The following TTC39C variants were observed in gnomAD, a reference collection of about 807,000 sequenced individuals.
TTC39C encodes tetratricopeptide repeat domain 39C.
A neutral mutation model predicts 76.3 loss-of-function variants in TTC39C; 33 were observed. The ratio of observed to expected loss-of-function variants is 0.43; its 90% CI spans 0.33 to 0.58. The LOEUF (loss-of-function observed/expected upper bound fraction) is 0.58. Ranked by LOEUF, TTC39C falls within the 20% of genes least tolerant of loss-of-function variation. The pLI is 0.04. For synonymous variants in TTC39C, 254 were observed against 260.6 expected (o/e 0.97, Z 0.24); for missense variants, 595 against 701.4 (o/e 0.85, Z 1.71).
At chr18:24,019,736 C>T (rs2083496294) in intron 1 of TTC39C, 2 of 747,700 alleles carry the variant, frequency 2.7e-6, no homozygotes, top group Admixed American at 3.7e-5. Flanking sequence ...TTTTGAGACA[C>T]AGCCATGCTC....
intron 3 of TTC39C, 65 bp from the exon 4 acceptor site, chr18:24,069,092 C>T (rs1005007677): frequency 2.5e-5 from 32 of 1,290,848 alleles, no homozygotes; most frequent in Non-Finnish European, 3.4e-5. Flanking sequence ...TAACCTGATA[C>T]TGTTTGGGGG....
chr18:24,045,599 G>A (rs1025093792), intron 1 of TTC39C, among the ~76,000 whole-genome samples: 1 of 151,900 alleles, frequency 6.6e-6, no homozygotes, highest in Non-Finnish European at 1.5e-5. Flanking sequence ...CGTGGGAAGG[G>A]CCTCATTCCA....
At chr18:24,056,679 C>A (rs1332599465) in intron 1 of TTC39C, among the ~76,000 whole-genome samples, 1 of 152,154 alleles carries the variant, frequency 6.6e-6, no homozygotes. Context: ...TGCTTCCTTT[C>A]ATTCACAACA....
chr18:24,053,351 C>T (rs1472978809), intron 1 of TTC39C, among the ~76,000 whole-genome samples: 1 of 152,164 alleles, frequency 6.6e-6, no homozygotes, highest in African/African-American at 2.4e-5. Context: ...ATGAATGCCA[C>T]GTGAACAAGG....
chr18:24,128,786 C>A, intron 10 of TTC39C, 100 bp from the exon 11 acceptor site: 1 of 917,558 alleles, frequency 1.1e-6, no homozygotes, highest in Non-Finnish European at 1.6e-6. Context: ...TATCAGGAGG[C>A]AGAAACATGA....
intron 10 of TTC39C, 175 bp downstream of exon 10, chr18:24,125,725 A>C (rs376036468): frequency 1.6e-5 from 12 of 749,332 alleles, no homozygotes; most frequent in East Asian, 2.7e-5. Flanking sequence ...CACTTAGGTG[A>C]TGGGAGGAGG....
chr18:24,068,498 A>T (rs555611806), intron 3 of TTC39C, among the ~76,000 whole-genome samples: 1 of 152,360 alleles, frequency 6.6e-6, no homozygotes, highest in East Asian at 1.9e-4. Flanking sequence ...TTGTACTAAG[A>T]ATGCAGAGTG....
At chr18:24,118,745 C>T (rs1335997161) in intron 8 of TTC39C, among the ~76,000 whole-genome samples, 1 of 151,772 alleles carries the variant, frequency 6.6e-6, no homozygotes, top group Non-Finnish European at 1.5e-5. Context: ...CTCAACCTCC[C>T]AGGCTCAAGC....
intron 1 of TTC39C, among the ~76,000 whole-genome samples, chr18:24,017,498 G>T (rs1165016483): frequency 6.6e-6 from 1 of 152,212 alleles, no homozygotes; most frequent in Admixed American, 6.5e-5. Context: ...TGTACGTGGT[G>T]CCTTCCCCGC....
chr18:24,102,336 C>T (rs16940484), intron 6 of TTC39C, among the ~76,000 whole-genome samples: 35,890 of 152,068 alleles, frequency 0.24, 5,449 homozygotes, highest in African/African-American at 0.41. Context: ...TATTCATTCA[C>T]GTGGAGATGC....
upstream of TTC39C, among the ~76,000 whole-genome samples, chr18:24,012,383 A>T (rs2083400254): frequency 6.6e-6 from 1 of 152,116 alleles, no homozygotes; most frequent in Non-Finnish European, 1.5e-5. Flanking sequence ...TTGTTCAACA[A>T]TTAAATTTCC....
At chr18:24,099,756 C>T (rs1481816690) in intron 6 of TTC39C, among the ~76,000 whole-genome samples, 1 of 151,986 alleles carries the variant, frequency 6.6e-6, no homozygotes, top group Non-Finnish European at 1.5e-5. Flanking sequence ...TAACTTACTG[C>T]TGTGAAATTC....
chr18:24,109,803 G>A (rs1390817807), intron 6 of TTC39C, among the ~76,000 whole-genome samples: 3 of 152,058 alleles, frequency 2.0e-5, no homozygotes, highest in African/African-American at 4.8e-5. Flanking sequence ...TCGGGAGCTC[G>A]AGACCAGCCT....
chr18:24,010,018 AC>A (rs1475662629), upstream of TTC39C, among the ~76,000 whole-genome samples: 4 of 152,350 alleles, frequency 2.6e-5, no homozygotes, highest in African/African-American at 9.6e-5. Flanking sequence ...TTAGTGATCC[AC>A]CTATGAGCAG....
intron 1 of TTC39C, among the ~76,000 whole-genome samples, chr18:24,028,616 T>C (rs2083625836): frequency 6.6e-6 from 1 of 152,396 alleles, no homozygotes; most frequent in Non-Finnish European, 1.5e-5. Context: ...AGTTGTTTAC[T>C]GAGAACTGGT....
chr18:24,118,580 A>G (rs950104789), intron 8 of TTC39C, among the ~76,000 whole-genome samples: 2 of 151,294 alleles, frequency 1.3e-5, no homozygotes, highest in Admixed American at 6.6e-5. Flanking sequence ...CTATCCCTTT[A>G]CTTAATATGC....
At chr18:24,125,621 C>T in intron 10 of TTC39C, 71 bp downstream of exon 10, 3 of 1,575,202 alleles carry the variant, frequency 1.9e-6, no homozygotes, top group Non-Finnish European at 2.6e-6. Flanking sequence ...CGGCATTCTT[C>T]AGTTTCCCGT....
chr18:24,026,587 T>A (rs1160136492), intron 1 of TTC39C, among the ~76,000 whole-genome samples: 2 of 152,166 alleles, frequency 1.3e-5, no homozygotes, highest in East Asian at 3.8e-4. Flanking sequence ...ATCAGTTGCA[T>A]CCCATAATAC....
chr18:24,010,064 G>A (rs935780485), upstream of TTC39C, among the ~76,000 whole-genome samples: 1 of 152,220 alleles, frequency 6.6e-6, no homozygotes, highest in Admixed American at 6.5e-5. Flanking sequence ...TTTGTTAAAA[G>A]AAAGACTTTA....
Sources: allele counts gnomAD v4.1 joint callset (sites outside exome capture counted in the v4.1 genomes callset), GRCh38; gene constraint gnomAD v4.1.1; transcripts MANE v1.5; gene names NCBI Gene and HGNC (gene_info 2026-07-23, HGNC 2026-07-21).